Variants in APOL2 observed in about 807,000 individuals in gnomAD.
APOL2 encodes the protein apolipoprotein L, 2.
A neutral mutation model predicts 7.1 loss-of-function variants in APOL2; 8 were observed. The observed-to-expected ratio is 1.12, with a 90% CI of 0.66 to 2.03. The LOEUF is 2.03. APOL2 is among the 30% of genes most tolerant of loss of function. The pLI is 0.00. For synonymous variants in APOL2, 177 were observed against 159.9 expected, an observed-to-expected ratio of 1.11 and a Z score of -0.81; for missense variants, 471 against 415.1, an observed-to-expected ratio of 1.13 and a Z score of -1.17.
Position 36,227,453 on chromosome 22 carries a change from T to A in APOL2, c.965A>T (p.Asn322Ile), listed in dbSNP as rs1421183770. ...CATCTCATGGATCTTGGTGAGAAAG[T>A]TGAGCTTCCCCTCCAGCTCCTGAGC... ...KRAQELEGKL[N>I]FLTKIHEMLQ... The change falls in exon 5 of 5, where the codon AAC becomes ATC. Residue 322 changes from asparagine (N) to isoleucine (I), a missense_variant. Asn to Ile is a moderately radical substitution (Grantham distance 149). Transcript: ENST00000358502. 2.5e-6 allele frequency: 4 copies of A among 1,613,230 alleles called. No individual in the cohort carries two copies. Among genetic ancestry groups the A allele is most frequent in the Non-Finnish European group, 3.4e-6 (4 of 1,179,512 alleles).
chr22:36,233,188 G>C lies in APOL2; in HGVS notation c.-26C>G. 1 of 1,614,066 alleles carries C rather than the reference G, an allele frequency of 6.2e-7. No individual in the cohort carries two copies. On this transcript the variant is annotated 5_prime_UTR_variant, in exon 3 of 5. Transcript: ENST00000358502. ...GGTGCCAGCGGCTGGGTTACCGAGG[G>C]GCTTTCCTTGGAGCTCTCCAGTCAC...
chr22:36,231,468 T>C lies in APOL2; in HGVS notation c.11-2A>G. The C allele has an allele frequency of 1.2e-6, 2 of 1,607,298 alleles. No individual in the cohort carries two copies. Among genetic ancestry groups the C allele is most frequent in the Non-Finnish European group, 8.5e-7 (1 of 1,178,914 alleles). On this transcript the variant is annotated splice_acceptor_variant, in intron 3 of 4. Transcript: ENST00000358502. LOFTEE classifies it high-confidence loss of function. The stretch of plus-strand genomic sequence containing the variant: ...AATCCTCAATAAAGATACTGCTCTC[T>C]AGTTGGAAAGAAGAAAGGATAAGGT...
chr22:36,230,473 T>C (rs571782840), intron 4 of APOL2, among the ~76,000 whole-genome samples: 4 of 152,248 alleles, frequency 2.6e-5, no homozygotes, highest in African/African-American at 9.6e-5. Context: ...TTCAAGCCCT[T>C]GGTGCCTCTC....
rs150719430 is a variant in APOL2, at chr22:36,226,989, C to T, written c.*415G>A. 2.4e-4 allele frequency: 42 copies of T among 176,230 alleles called. No homozygotes were observed. In the East Asian group the frequency reaches 5.9e-3, roughly 25 times the overall value. 10.9% of individuals were successfully genotyped at this position (176,230 alleles called of 1,614,324 possible). A position where few individuals can be genotyped will look rare whatever the true frequency, so the allele number is the denominator to read the frequency against. On this transcript the variant is annotated 3_prime_UTR_variant, in exon 5 of 5. Coordinates refer to ENST00000358502, the MANE Select transcript of APOL2 (RefSeq NM_030882.4). ...AGTCACTAACACTCAGTTCCATAAG[C>T]TTTACCTTGCCCTCCTTATCCCCCT...
chr22:36,231,604 T>C (rs1434412925), intron 3 of APOL2, 138 bp from the exon 4 acceptor site: 18 of 1,083,898 alleles, frequency 1.7e-5, no homozygotes, highest in East Asian at 1.0e-4. Flanking sequence ...ATCAGTGCTA[T>C]AGAGGGATTG....
rs1194497669 is a variant in APOL2, at chr22:36,226,460, C to T, written c.*944G>A. The T allele has an allele frequency of 1.3e-5, 2 of 152,298 alleles. No homozygotes were observed. The highest frequency in any genetic ancestry group is 1.9e-4 in the East Asian group (1 of 5,200). 9.4% of individuals were successfully genotyped at this position (152,298 alleles called of 1,614,324 possible). A position where few individuals can be genotyped will look rare whatever the true frequency, so the allele number is the denominator to read the frequency against. On this transcript the variant is annotated 3_prime_UTR_variant, in exon 5 of 5. Transcript: ENST00000358502. ...TGTGGCCATGGCCTACCACCTGCCT[C>T]TCAGGGTTCAAGCAGGGGACATGCA...
chr22:36,227,818 A>G lies in APOL2; in HGVS notation c.600T>C (p.Gly200=), dbSNP rs2015066584. 6.2e-7 allele frequency: 1 copy of G among 1,614,170 alleles called. No homozygotes were observed. Among genetic ancestry groups the G allele is most frequent in the Non-Finnish European group, 8.5e-7 (1 of 1,180,036 alleles). Residue 200 remains glycine (G), a synonymous_variant, in exon 5 of 5, where the codon GGT becomes GGC. Transcript: ENST00000358502. ...NVAKVMKEFV[G]GNTPNVLTLV... Reference sequence around the variant, plus strand: ...AGGTAAGAACATTGGGTGTGTTCCCACCCACAAACTCCTTCATCACCTTTG... The same window carrying G: ...AGGTAAGAACATTGGGTGTGTTCCCGCCCACAAACTCCTTCATCACCTTTG...
chr22:36,232,488 G>C (rs547515042), intron 3 of APOL2, among the ~76,000 whole-genome samples: 12 of 152,234 alleles, frequency 7.9e-5, no homozygotes, highest in Non-Finnish European at 1.5e-4. Flanking sequence ...AGGCCCTACT[G>C]TGTGGCAGGC....
At chr22:36,239,879 C>T (rs2015543241), upstream of APOL2, 1 of 244,324 alleles carries the variant, frequency 4.1e-6, no homozygotes, top group Non-Finnish European at 8.1e-6. Context: ...AGTTTAAGGG[C>T]ACAGCAGGTG....
intron 1 of APOL2, chr22:36,236,813 C>G (rs1276030548): frequency 7.9e-6 from 9 of 1,133,572 alleles, no homozygotes; most frequent in African/African-American, 7.5e-5. Context: ...CGCAGCAAGA[C>G]TAAAAGGGGG....
At position 36,227,868 on chromosome 22, in the gene APOL2, A is replaced by G. The variant is rs369049798; in HGVS notation, c.550T>C (p.Leu184=). Residue 184 remains leucine (L), a synonymous_variant, in exon 5 of 5, where the codon TTG becomes CTG. Coordinates refer to ENST00000358502, the MANE Select transcript of APOL2 (RefSeq NM_030882.4). ...GCTACATTGGTGCCGCTTTGGTCCA[A>G]GTTGCGGGCTTGGGCTCGTGCCCGC... ...KLRARAQARN[L]DQSGTNVAKV... 5.6e-6 allele frequency: 9 copies of G among 1,614,204 alleles called. No individual in the cohort carries two copies. The highest frequency in any genetic ancestry group is 7.6e-6 in the Non-Finnish European group (9 of 1,180,038).
At position 36,226,229 on chromosome 22, in the gene APOL2, T is replaced by C. The variant is rs947322060; in HGVS notation, c.*1175A>G. ...CCAGCTTGGTGAGTAGGTGAGTTTA[T>C]TGGGACTTACACACAGGTCAATCCT... On this transcript the variant is annotated 3_prime_UTR_variant, in exon 5 of 5. Transcript: ENST00000358502. The C allele has an allele frequency of 5.3e-5, 8 of 152,260 alleles. No homozygotes were observed. Among genetic ancestry groups the C allele is most frequent in the African/African-American group, 1.7e-4 (7 of 41,438 alleles). The allele number at this position is 152,260 out of a possible 1,614,324, so 9.4% of individuals were successfully genotyped here. A position where few individuals can be genotyped will look rare whatever the true frequency, so the allele number is the denominator to read the frequency against.
At chr22:36,231,684 G>A (rs549823263) in intron 3 of APOL2, among the ~76,000 whole-genome samples, 38 of 152,156 alleles carry the variant, frequency 2.5e-4, no homozygotes, top group African/African-American at 9.2e-4. Flanking sequence ...GGCCTTTAAG[G>A]AAGCAATTAA....
In APOL2 at chr22:36,227,924, G is replaced by C. The variant is rs562663691; in HGVS notation, c.494C>G (p.Thr165Ser). The change falls in exon 5 of 5, where the codon ACC (threonine) becomes AGC (serine). Residue 165 changes from threonine to serine, a missense_variant. Physicochemically the swap from Thr to Ser is moderately conservative, Grantham distance 58. Transcript: ENST00000358502. ...GTTTACTAGTTCTACCACACTGCAG[G>C]TAATCCCAGCCACAGCAGCTGCTGC... Reference protein sequence around the residue: ...LGAAAAVAGITCSVVELVNKL... With the variant: ...LGAAAAVAGISCSVVELVNKL... 4 of 1,614,208 alleles carry C rather than the reference G, an allele frequency of 2.5e-6. No individual in the cohort carries two copies. The South Asian group carries it at 4.4e-5, about 18-fold the overall frequency.
chr22:36,230,932 C>T (rs879849585), intron 4 of APOL2, among the ~76,000 whole-genome samples: 2 of 152,218 alleles, frequency 1.3e-5, no homozygotes, highest in Non-Finnish European at 2.9e-5. Context: ...AGATCCTTAA[C>T]CCTGGTCTCT....
intron 1 of APOL2, among the ~76,000 whole-genome samples, chr22:36,234,050 C>T (rs997295349): frequency 2.6e-5 from 4 of 152,176 alleles, no homozygotes; most frequent in African/African-American, 9.7e-5. Context: ...GATGCTTCCC[C>T]GTCCCCTCTG....
At chr22:36,236,392 TAAA>T (rs1364135740) in intron 1 of APOL2, among the ~76,000 whole-genome samples, 2 of 152,210 alleles carry the variant, frequency 1.3e-5, no homozygotes, top group African/African-American at 4.8e-5. Context: ...AAGTTGTAAG[TAAA>T]TTGTTTACAG....
intron 1 of APOL2, chr22:36,237,383 G>A: frequency 7.9e-7 from 1 of 1,261,096 alleles, no homozygotes; most frequent in Non-Finnish European, 1.0e-6. Flanking sequence ...GGAAAGAGGA[G>A]TCGAAATGAT....
At position 36,227,537 on chromosome 22, in the gene APOL2, TC is replaced by T. The variant is rs2015048323; in HGVS notation, c.880del (p.Glu294SerfsTer17). Reference sequence around the variant, plus strand: ...TGCCCCCTCAAGCAAGTGCTTTGACTCATATGCAAGGCTGACCACATCCAGC... The same window carrying T: ...TGCCCCCTCAAGCAAGTGCTTTGACTATATGCAAGGCTGACCACATCCAGC... ...LLLDVVSLAY[E>X]SKHLLEGAKS... On this transcript the variant is annotated frameshift_variant, in exon 5 of 5. Transcript: ENST00000358502. LOFTEE classifies it low-confidence loss of function (END_TRUNC). The T allele has an allele frequency of 1.5e-5, 25 of 1,614,180 alleles. No homozygotes were observed. Among genetic ancestry groups the T allele is most frequent in the Non-Finnish European group, 2.1e-5 (25 of 1,180,034 alleles).
Sources: gnomAD v4.1 joint callset for allele counts (sites outside exome capture counted in the v4.1 genomes callset) on GRCh38, gnomAD v4.1.1 for gene constraint, MANE v1.5 for transcripts, NCBI Gene and HGNC (gene_info 2026-07-23, HGNC 2026-07-21) for gene names.